Variants in GABRB1 observed in about 807,000 individuals in gnomAD.
GABRB1 encodes the protein gamma-aminobutyric acid receptor subunit beta-1.
GABRB1 carries 17 observed loss-of-function variants against 51.6 expected under a neutral mutation model. The observed-to-expected ratio is 0.33, with a 90% CI of 0.23 to 0.49. The LOEUF is 0.49. GABRB1 is among the 20% of genes least tolerant of loss of function. The pLI is 0.99. For missense variants in GABRB1, 410 were observed against 600.6 expected, an observed-to-expected ratio of 0.68 and a Z score of 3.32; for synonymous variants, 247 against 218.9, an observed-to-expected ratio of 1.13 and a Z score of -1.14.
intron 4 of GABRB1, among the ~76,000 whole-genome samples, chr4:47,220,271 C>T (rs942524064): frequency 6.6e-6 from 1 of 151,942 alleles, no homozygotes. Context: ...CCCAAACTGC[C>T]TTTCCTTTGT....
chr4:47,123,288 T>C (rs1478010467), intron 3 of GABRB1, among the ~76,000 whole-genome samples: 2 of 140,790 alleles, frequency 1.4e-5, no homozygotes, highest in African/African-American at 5.3e-5. Context: ...TACATATATA[T>C]GATTATATAT....
At chr4:47,174,343 G>A (rs1011320565) in intron 4 of GABRB1, among the ~76,000 whole-genome samples, 1 of 151,998 alleles carries the variant, frequency 6.6e-6, no homozygotes, top group African/African-American at 2.4e-5. Context: ...GGGATTACAG[G>A]TGTGACCCAC....
At chr4:46,995,935 T>A (rs966496825) in intron 1 of GABRB1, among the ~76,000 whole-genome samples, 3 of 152,182 alleles carry the variant, frequency 2.0e-5, no homozygotes, top group Non-Finnish European at 4.4e-5. Flanking sequence ...CTGAAGATAA[T>A]ACTAAAGGCA....
At chr4:47,383,437 T>A (rs1727661714) in intron 5 of GABRB1, among the ~76,000 whole-genome samples, 1 of 152,012 alleles carries the variant, frequency 6.6e-6, no homozygotes, top group Non-Finnish European at 1.5e-5. Flanking sequence ...TCAATAAGTA[T>A]CATCTGAGAG....
At chr4:47,377,732 C>T (rs1284396171) in intron 5 of GABRB1, among the ~76,000 whole-genome samples, 1 of 151,980 alleles carries the variant, frequency 6.6e-6, no homozygotes, top group Non-Finnish European at 1.5e-5. Flanking sequence ...ACAAAGTTCT[C>T]CAAGTCCCCA....
chr4:47,281,790 A>G (rs1206315304), intron 4 of GABRB1, among the ~76,000 whole-genome samples: 2 of 152,246 alleles, frequency 1.3e-5, no homozygotes, highest in African/African-American at 4.8e-5. Context: ...AAACACAGAA[A>G]GACAAATACT....
Position 47,246,337 on chromosome 4 carries a change from CATATATATATATATATATATAT to C in GABRB1, c.462-73752_462-73731del, listed in dbSNP as rs60968247. The stretch of plus-strand genomic sequence containing the variant: ...ACACACACACACACACACATATGTA[CATATATATATATATATATATAT>C]ATATATATATATATATATATATATA... On this transcript the variant is annotated intron_variant, in intron 4 of 8. Coordinates refer to ENST00000295454, the MANE Select transcript of GABRB1 (RefSeq NM_000812.4). 9.0e-3 allele frequency among the ~76,000 whole-genome samples: 478 copies of C among 53,258 alleles called. 14 individuals carry two copies. The highest frequency in any genetic ancestry group is 0.013 in the African/African-American group (226 of 18,012). 34.9% of individuals were successfully genotyped at this position (53,258 alleles called of 152,430 possible). A position where few individuals can be genotyped will look rare whatever the true frequency, so the allele number is the denominator to read the frequency against.
At chr4:47,180,378 G>A (rs1718895435) in intron 4 of GABRB1, among the ~76,000 whole-genome samples, 1 of 151,910 alleles carries the variant, frequency 6.6e-6, no homozygotes, top group South Asian at 2.1e-4. Context: ...ATGCTTCAAT[G>A]AGAAAAATAT....
At chr4:47,407,061 A>T in intron 8 of GABRB1, 135 bp downstream of exon 8, 1 of 889,444 alleles carries the variant, frequency 1.1e-6, no homozygotes, top group Non-Finnish European at 1.7e-6. Context: ...CCTTCATTTT[A>T]CATATTCAGG....
intron 4 of GABRB1, among the ~76,000 whole-genome samples, chr4:47,204,722 T>G (rs966375665): frequency 6.6e-6 from 1 of 152,176 alleles, no homozygotes; most frequent in Non-Finnish European, 1.5e-5. Flanking sequence ...AGCTCTCTCT[T>G]TGCCTGCCAC....
chr4:47,374,794 C>G (rs1727324319), intron 5 of GABRB1, among the ~76,000 whole-genome samples: 2 of 152,162 alleles, frequency 1.3e-5, no homozygotes, highest in East Asian at 3.8e-4. Flanking sequence ...GATCTGTACA[C>G]ATTTAATGTG....
chr4:47,195,421 TAG>T (rs2109789028), intron 4 of GABRB1, among the ~76,000 whole-genome samples: 1 of 60,886 alleles, frequency 1.6e-5, no homozygotes, highest in African/African-American at 6.6e-5. Flanking sequence ...GATAGATAGA[TAG>T]ATAGATAGAT....
At chr4:47,347,204 C>A (rs895536196) in intron 5 of GABRB1, among the ~76,000 whole-genome samples, 5 of 151,968 alleles carry the variant, frequency 3.3e-5, no homozygotes, top group African/African-American at 1.2e-4. Flanking sequence ...CTTGCTCCAA[C>A]CCAGGAGGTA....
chr4:47,263,396 G>A (rs1722527512), intron 4 of GABRB1, among the ~76,000 whole-genome samples: 2 of 152,058 alleles, frequency 1.3e-5, no homozygotes, highest in South Asian at 4.2e-4. Context: ...GACTAGGGGA[G>A]AAGTAAGAAG....
intron 3 of GABRB1, among the ~76,000 whole-genome samples, chr4:47,142,108 G>A (rs1716963917): frequency 1.3e-5 from 2 of 151,898 alleles, no homozygotes; most frequent in East Asian, 1.9e-4. Flanking sequence ...TGTGATAAAT[G>A]CTAAAATAAA....
intron 5 of GABRB1, among the ~76,000 whole-genome samples, chr4:47,386,040 C>A (rs771088569): frequency 1.3e-5 from 2 of 152,158 alleles, no homozygotes; most frequent in Non-Finnish European, 2.9e-5. Flanking sequence ...GGTCTTTGAA[C>A]ATTAGTGGGT....
intron 4 of GABRB1, among the ~76,000 whole-genome samples, chr4:47,310,849 G>A (rs1469242283): frequency 6.6e-6 from 1 of 151,922 alleles, no homozygotes; most frequent in African/African-American, 2.4e-5. Flanking sequence ...ATGGCAAAAG[G>A]GGCTTTGCAG....
chr4:47,306,309 G>A (rs1724468347), intron 4 of GABRB1, among the ~76,000 whole-genome samples: 1 of 148,566 alleles, frequency 6.7e-6, no homozygotes, highest in South Asian at 2.1e-4. Context: ...GGGATGGGAA[G>A]AGGAGGGGTG....
chr4:47,024,577 T>G lies in GABRB1; in HGVS notation c.-19-7337T>G, dbSNP rs528564043. 3.5e-3 allele frequency among the ~76,000 whole-genome samples: 534 copies of G among 152,030 alleles called. 1 individual carries two copies. The highest frequency in any genetic ancestry group is 5.9e-3 in the Non-Finnish European group (401 of 67,890). On this transcript the variant is annotated intron_variant, in intron 1 of 3. Coordinates refer to the GABRB1 transcript ENST00000513567. The stretch of plus-strand genomic sequence containing the variant: ...GAGAGGATAGTTTTATTTTTAAAAT[T>G]TTTTATTTCCATACATTTTTGGGGA...
Sources: allele counts gnomAD v4.1 joint callset (sites outside exome capture counted in the v4.1 genomes callset), GRCh38; gene constraint gnomAD v4.1.1; transcripts MANE v1.5; gene names NCBI Gene and HGNC (gene_info 2026-07-23, HGNC 2026-07-21).